MAGI2: variants seen among roughly 807,000 people sequenced by gnomAD.
The protein encoded by MAGI2 is membrane associated guanylate kinase, WW and PDZ domain containing 2.
MAGI2 carries 35 observed loss-of-function variants against 133.3 expected under a neutral mutation model. The ratio of observed to expected loss-of-function variants is 0.26; its 90% CI spans 0.20 to 0.35. The LOEUF (loss-of-function observed/expected upper bound fraction) is 0.35, where lower values mean the gene tolerates loss of function less well. Ranked by LOEUF, MAGI2 falls within the 10% of genes least tolerant of loss-of-function variation. The pLI is 1.00. For synonymous variants in MAGI2, 729 were observed against 710.6 expected (o/e 1.03, Z -0.41); for missense variants, 1,636 against 1,863.4 (o/e 0.88, Z 2.25).
intron 1 of MAGI2, among the ~76,000 whole-genome samples, chr7:79,052,458 G>A (rs1174895863): frequency 2.0e-5 from 3 of 152,202 alleles, no homozygotes; most frequent in Non-Finnish European, 4.4e-5. Context: ...ACACCCATGA[G>A]GCTGTCCCTG....
intron 10 of MAGI2, among the ~76,000 whole-genome samples, chr7:78,221,193 A>C (rs1788793520): frequency 6.6e-6 from 1 of 152,192 alleles, no homozygotes; most frequent in Admixed American, 6.5e-5. Flanking sequence ...TTCCCAGGAC[A>C]GGTTCAACAG....
At chr7:78,338,695 A>T (rs527386683) in intron 9 of MAGI2, among the ~76,000 whole-genome samples, 33 of 152,338 alleles carry the variant, frequency 2.2e-4, no homozygotes, top group African/African-American at 7.9e-4. Flanking sequence ...ATGTCATTTT[A>T]AATTATCTCA....
intron 2 of MAGI2, among the ~76,000 whole-genome samples, chr7:78,890,964 A>C (rs1796696522): frequency 2.0e-5 from 3 of 152,178 alleles, no homozygotes; most frequent in Non-Finnish European, 2.9e-5. Flanking sequence ...AGACCAACGC[A>C]ATTGATAGAC....
chr7:78,072,950 G>A (rs750728718), intron 21 of MAGI2: 7 of 398,464 alleles, frequency 1.8e-5, no homozygotes, highest in African/African-American at 4.1e-5. Context: ...GAGCCACCCC[G>A]CCTGGCTGGC....
intron 1 of MAGI2, among the ~76,000 whole-genome samples, chr7:79,075,721 G>A (rs529798363): frequency 4.8e-4 from 73 of 152,132 alleles, no homozygotes; most frequent in African/African-American, 1.7e-3. Flanking sequence ...CTGAGATCAC[G>A]CCACTGCACT....
At chr7:79,359,975 C>T (rs1842280344) in intron 1 of MAGI2, among the ~76,000 whole-genome samples, 1 of 152,122 alleles carries the variant, frequency 6.6e-6, no homozygotes, top group African/African-American at 2.4e-5. Context: ...ATATAAAACA[C>T]TGTTCTTGGA....
chr7:79,433,967 A>G (rs776975592), intron 1 of MAGI2, among the ~76,000 whole-genome samples: 101 of 152,318 alleles, frequency 6.6e-4, no homozygotes, highest in South Asian at 4.1e-4. Context: ...GTGTTTTTTA[A>G]GAAGAATAGC....
chr7:78,530,563 C>T (rs1210618035), intron 3 of MAGI2, among the ~76,000 whole-genome samples: 1 of 152,096 alleles, frequency 6.6e-6, no homozygotes, highest in Non-Finnish European at 1.5e-5. Context: ...ATTGTTGACT[C>T]ATGGCAGCAG....
At chr7:78,119,133 C>A (rs1266268221) in intron 20 of MAGI2, among the ~76,000 whole-genome samples, 1 of 152,140 alleles carries the variant, frequency 6.6e-6, no homozygotes, top group African/African-American at 2.4e-5. Flanking sequence ...GTAAAAAGAT[C>A]AGTGGTTGCC....
chr7:79,443,562 CTTA>C (rs914864349), intron 1 of MAGI2, among the ~76,000 whole-genome samples: 2 of 152,102 alleles, frequency 1.3e-5, no homozygotes, highest in African/African-American at 4.8e-5. Flanking sequence ...TTCTATAGCA[CTTA>C]TTATCCTCCA....
intron 9 of MAGI2, among the ~76,000 whole-genome samples, chr7:78,260,198 G>C (rs780141525): frequency 2.0e-5 from 3 of 152,174 alleles, no homozygotes; most frequent in African/African-American, 7.2e-5. Context: ...GCAAACATTT[G>C]CTTGTTCAGA....
chr7:79,370,335 A>T (rs75600998), intron 1 of MAGI2, among the ~76,000 whole-genome samples: 2 of 152,128 alleles, frequency 1.3e-5, no homozygotes, highest in Non-Finnish European at 2.9e-5. Flanking sequence ...ACAGTTTACT[A>T]AGGATAAATG....
intron 14 of MAGI2, among the ~76,000 whole-genome samples, chr7:78,168,476 T>C (rs1441035440): frequency 6.6e-6 from 1 of 152,204 alleles, no homozygotes; most frequent in Non-Finnish European, 1.5e-5. Flanking sequence ...GCTTTCTGGC[T>C]CATCATAAAT....
intron 2 of MAGI2, among the ~76,000 whole-genome samples, chr7:78,889,264 G>A (rs1269580481): frequency 6.6e-6 from 1 of 152,226 alleles, no homozygotes; most frequent in Admixed American, 6.5e-5. Flanking sequence ...TGGTGTACCT[G>A]AAAGTGACGA....
intron 14 of MAGI2, 84 bp from the exon 15 acceptor site, chr7:78,168,192 G>C: frequency 1.6e-6 from 2 of 1,277,652 alleles, no homozygotes; most frequent in Admixed American, 2.1e-5. Flanking sequence ...GTCTCGCTTC[G>C]TTGCCCAAGC....
intron 2 of MAGI2, among the ~76,000 whole-genome samples, chr7:78,737,546 T>C (rs1821983510): frequency 6.6e-6 from 1 of 152,160 alleles, no homozygotes; most frequent in Non-Finnish European, 1.5e-5. Context: ...CAACTGCATA[T>C]CTGTGTCAGG....
chr7:79,060,090 T>C (rs1813562130), intron 1 of MAGI2, among the ~76,000 whole-genome samples: 2 of 152,060 alleles, frequency 1.3e-5, no homozygotes, highest in Non-Finnish European at 2.9e-5. Context: ...AATGGCCTTT[T>C]TTTATCTTAC....
intron 2 of MAGI2, among the ~76,000 whole-genome samples, chr7:78,694,508 A>T (rs1003464624): frequency 6.6e-6 from 1 of 152,174 alleles, no homozygotes; most frequent in African/African-American, 2.4e-5. Context: ...AGTTAGCAGT[A>T]CACACATACA....
chr7:78,406,527 A>G (rs1797390928), intron 6 of MAGI2, among the ~76,000 whole-genome samples: 1 of 152,044 alleles, frequency 6.6e-6, no homozygotes, highest in African/African-American at 2.4e-5. Context: ...GCCGGCTGAT[A>G]TTTAGTGATT....
Sources: allele counts gnomAD v4.1 joint callset (sites outside exome capture counted in the v4.1 genomes callset), GRCh38; gene constraint gnomAD v4.1.1; transcripts MANE v1.5; gene names NCBI Gene and HGNC (gene_info 2026-07-23, HGNC 2026-07-21).